Variants in PPP2R2C observed in about 807,000 individuals in gnomAD.
PPP2R2C encodes protein phosphatase 2, regulatory subunit B, gamma.
In PPP2R2C, 10 loss-of-function variants were observed where a neutral mutation model predicts 45.3. The ratio of observed to expected loss-of-function variants is 0.22; its 90% CI spans 0.14 to 0.37. The LOEUF is 0.37. Among genes scored for constraint, PPP2R2C ranks in the 10% least tolerant of loss-of-function variants. PPP2R2C has a pLI of 1.00. For missense variants in PPP2R2C, 308 were observed against 619.7 expected, an observed-to-expected ratio of 0.50 and a Z score of 5.34; for synonymous variants, 257 against 245.4, an observed-to-expected ratio of 1.05 and a Z score of -0.44.
intron 5 of PPP2R2C, among the ~76,000 whole-genome samples, chr4:6,361,094 T>A (rs182988880): frequency 1.6e-4 from 25 of 152,314 alleles, no homozygotes; most frequent in African/African-American, 5.5e-4. Context: ...GGTTTCAACA[T>A]ATGAATGGGG....
intron 2 of PPP2R2C, among the ~76,000 whole-genome samples, chr4:6,379,814 C>T (rs1379254960): frequency 6.6e-6 from 1 of 152,200 alleles, no homozygotes; most frequent in Non-Finnish European, 1.5e-5. Flanking sequence ...GCACTACACC[C>T]ACAGGGTCAC....
At chr4:6,549,602 G>A (rs577653249) in intron 1 of PPP2R2C, among the ~76,000 whole-genome samples, 1 of 152,194 alleles carries the variant, frequency 6.6e-6, no homozygotes. Context: ...TGCTCCTGTA[G>A]AGTGGCCACA....
chr4:6,378,731 C>T lies in PPP2R2C; in HGVS notation c.169-159G>A, dbSNP rs550919842. Among the ~76,000 whole-genome samples, 2 of 152,222 alleles carry T rather than the reference C, an allele frequency of 1.3e-5. No individual in the cohort carries two copies. Among genetic ancestry groups the T allele is most frequent in the South Asian group, 4.1e-4 (2 of 4,826 alleles). ...TGAAACTCTCTGCAGCTTAACCGGC[C>T]CATGACTTGCAGTGTGCCAGGGACA... On this transcript the variant is annotated intron_variant, in intron 2 of 8. Coordinates refer to ENST00000382599, the MANE Select transcript of PPP2R2C (RefSeq NM_020416.4). The surrounding 1 kb of genome is among the most constrained non-coding windows in gnomAD (Gnocchi z 5.2).
intron 6 of PPP2R2C, among the ~76,000 whole-genome samples, chr4:6,338,482 C>T (rs1733173219): frequency 6.6e-6 from 1 of 152,174 alleles, no homozygotes; most frequent in African/African-American, 2.4e-5. Context: ...ACCTGTGAAT[C>T]AAAGGAAACA....
chr4:6,460,762 G>A (rs542182069), intron 1 of PPP2R2C, among the ~76,000 whole-genome samples: 1 of 151,952 alleles, frequency 6.6e-6, no homozygotes, highest in Non-Finnish European at 1.5e-5. Context: ...TTTTTGCTAT[G>A]ACTACATATG....
chr4:6,383,148 C>G, intron 1 of PPP2R2C: 1 of 1,160,980 alleles, frequency 8.6e-7, no homozygotes, highest in Non-Finnish European at 1.1e-6. Flanking sequence ...GGGTTGCCAT[C>G]AACGCCTCTG....
chr4:6,507,936 C>A (rs10755149), intron 2 of PPP2R2C, among the ~76,000 whole-genome samples: 70,238 of 151,930 alleles, frequency 0.46, 17,223 homozygotes, highest in East Asian at 0.78. Context: ...AATCCTTAGA[C>A]GACAAATCAA....
chr4:6,409,889 T>G (rs181947469), intron 1 of PPP2R2C, among the ~76,000 whole-genome samples: 1 of 152,288 alleles, frequency 6.6e-6, no homozygotes, highest in East Asian at 1.9e-4. Flanking sequence ...ACCCTTCCTA[T>G]CTTTTATCTA....
At chr4:6,512,490 G>A (rs942429691) in intron 2 of PPP2R2C, among the ~76,000 whole-genome samples, 1 of 124,034 alleles carries the variant, frequency 8.1e-6, no homozygotes, top group African/African-American at 2.9e-5. Flanking sequence ...TGGTGATGGT[G>A]ATGGTGGTGG....
intron 1 of PPP2R2C, among the ~76,000 whole-genome samples, chr4:6,399,274 G>A (rs80325392): frequency 0.012 from 1,845 of 152,280 alleles, 40 homozygotes; most frequent in African/African-American, 0.041. Context: ...AAAAGTCTTC[G>A]TTTGCAGTAA....
intron 2 of PPP2R2C, among the ~76,000 whole-genome samples, chr4:6,495,000 C>T (rs562567971): frequency 9.8e-5 from 15 of 152,316 alleles, no homozygotes; most frequent in Middle Eastern, 3.4e-3. Context: ...GTCCACGCAG[C>T]GAGGTTGCTG....
chr4:6,410,945 T>C (rs978058345), intron 1 of PPP2R2C, among the ~76,000 whole-genome samples: 5 of 151,948 alleles, frequency 3.3e-5, no homozygotes, highest in Non-Finnish European at 5.9e-5. Flanking sequence ...CTCTGCTCAC[T>C]GCAGCTTCAA....
upstream of PPP2R2C, among the ~76,000 whole-genome samples, chr4:6,476,791 T>G (rs1311970840): frequency 5.9e-5 from 9 of 152,238 alleles, no homozygotes; most frequent in Non-Finnish European, 8.8e-5. Flanking sequence ...TGAGAAGCAC[T>G]CATGTTATTT....
At chr4:6,440,127 G>C (rs558026628) in intron 1 of PPP2R2C, among the ~76,000 whole-genome samples, 1 of 152,046 alleles carries the variant, frequency 6.6e-6, no homozygotes, top group African/African-American at 2.4e-5. Flanking sequence ...TTGTCTTTCT[G>C]TCCACCTCTA....
intron 1 of PPP2R2C, among the ~76,000 whole-genome samples, chr4:6,423,399 T>C (rs1161978207): frequency 1.3e-5 from 2 of 152,334 alleles, no homozygotes; most frequent in African/African-American, 4.8e-5. Flanking sequence ...AGACGAGGTT[T>C]CACCACATTG....
rs1731603314 is a variant in PPP2R2C, at chr4:6,322,356, G to C, written c.*946C>G. ...CCGCTTATCCCCAGCATCCAGCCCAGAGCCTGGCACGCTTCGAGAAGTTGG... is the reference window on the plus strand; with the variant it reads ...CCGCTTATCCCCAGCATCCAGCCCACAGCCTGGCACGCTTCGAGAAGTTGG... On this transcript the variant is annotated 3_prime_UTR_variant, in exon 9 of 9. Transcript: ENST00000382599. This position sits in a 1 kb window ranked among gnomAD's most constrained non-coding sequence, Gnocchi z 7.8. 6.6e-6 allele frequency: 1 copy of C among 152,242 alleles called. No individual in the cohort carries two copies. The highest frequency in any genetic ancestry group is 2.4e-5 in the African/African-American group (1 of 41,458). The allele number at this position is 152,242 out of a possible 1,614,324, so 9.4% of individuals were successfully genotyped here.
intron 1 of PPP2R2C, among the ~76,000 whole-genome samples, chr4:6,538,966 G>C (rs1425857195): frequency 1.3e-5 from 2 of 152,288 alleles, no homozygotes; most frequent in Middle Eastern, 3.4e-3. Flanking sequence ...ACCTGCTTCT[G>C]ACTTTCCACC....
At chr4:6,360,780 C>T (rs1174536151) in intron 5 of PPP2R2C, among the ~76,000 whole-genome samples, 9 of 152,188 alleles carry the variant, frequency 5.9e-5, no homozygotes, top group African/African-American at 1.9e-4. Context: ...TGCTACAGAC[C>T]GAGTGGCTTA....
intron 1 of PPP2R2C, among the ~76,000 whole-genome samples, chr4:6,423,097 A>G (rs73075336): frequency 0.026 from 3,948 of 152,162 alleles, 180 homozygotes; most frequent in African/African-American, 0.091. Context: ...GCTGCAATAC[A>G]CTCATCCAGG....
Sources: allele counts gnomAD v4.1 joint callset (sites outside exome capture counted in the v4.1 genomes callset), GRCh38; gene constraint gnomAD v4.1.1; non-coding constraint Gnocchi (gnomAD v3.1); transcripts MANE v1.5; gene names NCBI Gene and HGNC (gene_info 2026-07-23, HGNC 2026-07-21).